The following SV2B variants were observed in gnomAD, a reference collection of about 807,000 sequenced individuals.
SV2B encodes synaptic vesicle glycoprotein 2B, also known as solute carrier family 22 member B2.
A neutral mutation model predicts 73.9 loss-of-function variants in SV2B; 41 were observed. The observed-to-expected ratio is 0.56, with a 90% CI of 0.43 to 0.72. The LOEUF is 0.72. Among genes scored for constraint, SV2B ranks in the 30% least tolerant of loss-of-function variants. The pLI, the probability that SV2B is intolerant of heterozygous loss-of-function variation, is 0.00. For missense variants in SV2B, 764 were observed against 857.8 expected (o/e 0.89, Z 1.37); for synonymous variants, 314 against 314.2 (o/e 1.00, Z 0.01).
At chr15:91,133,435 T>C (rs770082830) in intron 1 of SV2B, among the ~76,000 whole-genome samples, 4 of 152,128 alleles carry the variant, frequency 2.6e-5, no homozygotes, top group Non-Finnish European at 4.4e-5. Flanking sequence ...TCTGCTCAAA[T>C]GCACTGGAAT....
rs973677912 is a variant in SV2B at position 91,302,244 on chromosome 15, A to G, written c.*9692A>G. Among the ~76,000 whole-genome samples, 2 of 152,146 alleles carry G rather than the reference A, an allele frequency of 1.3e-5. No homozygotes were observed. The highest frequency in any genetic ancestry group is 2.4e-5 in the African/African-American group (1 of 41,428). ...GGAGCAAGTGAAGTGTCATATGTAA[A>G]AGAGTTAATTCTCAGATTGATTCAA... On this transcript the variant is annotated 3_prime_UTR_variant, in exon 13 of 13. Coordinates refer to ENST00000394232, the MANE Select transcript of SV2B (RefSeq NM_001323032.3).
chr15:91,276,884 T>C (rs1412244813), intron 9 of SV2B, among the ~76,000 whole-genome samples: 1 of 146,696 alleles, frequency 6.8e-6, no homozygotes, highest in Non-Finnish European at 1.5e-5. Flanking sequence ...CGCAATGGCA[T>C]GATCTCAGCT....
At chr15:91,292,186 C>T (rs1225678010) in intron 12 of SV2B, among the ~76,000 whole-genome samples, 183 bp from the exon 13 acceptor site, 2 of 150,306 alleles carry the variant, frequency 1.3e-5, no homozygotes, top group Admixed American at 6.6e-5. Context: ...GTTAGATATC[C>T]ATGCATCTTT....
chr15:91,191,886 C>A (rs1040336068), intron 1 of SV2B, among the ~76,000 whole-genome samples: 1 of 152,148 alleles, frequency 6.6e-6, no homozygotes, highest in Non-Finnish European at 1.5e-5. Context: ...AAACATTTTA[C>A]ACATCTTTTA....
chr15:91,128,065 G>A lies in SV2B; in HGVS notation c.-392+27702G>A, dbSNP rs1294382997. Among the ~76,000 whole-genome samples, 1 of 152,160 alleles carries A rather than the reference G, an allele frequency of 6.6e-6. No homozygotes were observed. The highest frequency in any genetic ancestry group is 1.9e-4 in the East Asian group (1 of 5,198). On this transcript the variant is annotated intron_variant, in intron 1 of 12. Transcript: ENST00000394232. The surrounding 1 kb of genome is among the most constrained non-coding windows in gnomAD (Gnocchi z 4.2). Reference sequence around the variant, plus strand: ...AAAAGAGAAAAATATACCTGTGAAAGCTCTTATTATCATTGTCACGTTCAT... The same window carrying A: ...AAAAGAGAAAAATATACCTGTGAAAACTCTTATTATCATTGTCACGTTCAT...
Position 91,288,805 on chromosome 15 carries a change from G to A in SV2B, c.1709-716G>A, listed in dbSNP as rs1480471588. 6.6e-6 allele frequency among the ~76,000 whole-genome samples: 1 copy of A among 152,046 alleles called. No individual in the cohort carries two copies. Among genetic ancestry groups the A allele is most frequent in the Non-Finnish European group, 1.5e-5 (1 of 68,022 alleles). On this transcript the variant is annotated intron_variant, in intron 11 of 12. Transcript: ENST00000394232. This position sits in a 1 kb window ranked among gnomAD's most constrained non-coding sequence, Gnocchi z 5.8. ...TAATTCTCGTGCCTCAGCCTCCCAA[G>A]TAGCTGGGATTACAGGTGTGCACCA... is the stretch of plus-strand genomic sequence containing the variant.
intron 4 of SV2B, among the ~76,000 whole-genome samples, chr15:91,257,378 A>AAGTCT (rs2047735524): frequency 6.6e-6 from 1 of 152,210 alleles, no homozygotes; most frequent in Admixed American, 6.5e-5. Flanking sequence ...GTGACTGCAA[A>AAGTCT]AGTCTAGGCT....
chr15:91,142,183 G>A (rs189496449), intron 1 of SV2B, among the ~76,000 whole-genome samples: 35 of 152,136 alleles, frequency 2.3e-4, no homozygotes, highest in African/African-American at 3.6e-4. Context: ...TTCCTGTTGC[G>A]TGCCCACAGC....
intron 6 of SV2B, among the ~76,000 whole-genome samples, chr15:91,263,788 C>A (rs2048010522): frequency 6.6e-6 from 1 of 152,200 alleles, no homozygotes; most frequent in Non-Finnish European, 1.5e-5. Flanking sequence ...AGAGGAATTA[C>A]ATCGCAGAGT....
intron 1 of SV2B, among the ~76,000 whole-genome samples, chr15:91,164,428 G>A (rs1218410242): frequency 6.6e-6 from 1 of 152,172 alleles, no homozygotes; most frequent in Non-Finnish European, 1.5e-5. Flanking sequence ...CTACCTTTAA[G>A]CCAGAATACT....
rs1409144974 is a variant in SV2B at position 91,239,857 on chromosome 15, T to C, written c.452-11962T>C. On this transcript the variant is annotated intron_variant, in intron 2 of 12. Coordinates refer to ENST00000394232, the MANE Select transcript of SV2B (RefSeq NM_001323032.3). This position sits in a 1 kb window ranked among gnomAD's most constrained non-coding sequence, Gnocchi z 5.1. ...GGCATGTCTGCGATTCTCTTTACTT[T>C]CCATGGTGGTCACAAGATAGCCACC... Among the ~76,000 whole-genome samples the C allele has an allele frequency of 6.6e-6, 1 of 152,206 alleles. No individual in the cohort carries two copies. Among genetic ancestry groups the C allele is most frequent in the Non-Finnish European group, 1.5e-5 (1 of 68,024 alleles).
chr15:91,258,084 G>A lies in SV2B; in HGVS notation c.785-337G>A, dbSNP rs189364926. Among the ~76,000 whole-genome samples the A allele has an allele frequency of 3.9e-4, 60 of 152,308 alleles. No individual in the cohort carries two copies. The highest frequency in any genetic ancestry group is 1.3e-3 in the African/African-American group (56 of 41,560). On this transcript the variant is annotated intron_variant, in intron 4 of 12. Coordinates refer to ENST00000394232, the MANE Select transcript of SV2B (RefSeq NM_001323032.3). This position sits in a 1 kb window ranked among gnomAD's most constrained non-coding sequence, Gnocchi z 4.7. ...ATATAATGATTCTGTAGAGATACGG[G>A]CTATTGTTTCTGTTTGTACTCTTAT...
chr15:91,277,351 A>G (rs1567425671), intron 9 of SV2B, among the ~76,000 whole-genome samples: 1 of 152,204 alleles, frequency 6.6e-6, no homozygotes, highest in Non-Finnish European at 1.5e-5. Context: ...GGAATAATTT[A>G]TGTACAGTAA....
chr15:91,176,766 A>T (rs2044325008), intron 1 of SV2B, among the ~76,000 whole-genome samples: 1 of 151,136 alleles, frequency 6.6e-6, no homozygotes, highest in Non-Finnish European at 1.5e-5. Flanking sequence ...AATTTGTTTG[A>T]GTTCATTGTA....
intron 1 of SV2B, among the ~76,000 whole-genome samples, chr15:91,145,596 A>C (rs2043124475): frequency 6.6e-6 from 1 of 152,198 alleles, no homozygotes; most frequent in South Asian, 2.1e-4. Flanking sequence ...AATAATTTAC[A>C]TTCCCATCAA....
rs6496774 is a variant in SV2B, at chr15:91,227,417, A to G, written c.451+703A>G. ...GTGAAATTAGAGAGACGGTGTGCAC[A>G]AATGGTGTGATGTAGAAAAGATTCA... On this transcript the variant is annotated intron_variant, in intron 2 of 12. Coordinates refer to ENST00000394232, the MANE Select transcript of SV2B (RefSeq NM_001323032.3). The surrounding 1 kb of genome is among the most constrained non-coding windows in gnomAD (Gnocchi z 4.5). Among the ~76,000 whole-genome samples the G allele has an allele frequency of 0.29, 44,856 of 152,134 alleles. 8,658 individuals carry two copies. Among genetic ancestry groups the G allele is most frequent in the African/African-American group, 0.55 (22,766 of 41,466 alleles).
chr15:91,104,012 GAGA>G (rs950581835), intron 1 of SV2B, among the ~76,000 whole-genome samples: 6 of 152,290 alleles, frequency 3.9e-5, no homozygotes, highest in African/African-American at 1.4e-4. Flanking sequence ...AAATCACAAG[GAGA>G]AGATCTCCTG....
upstream of SV2B, chr15:91,100,256 C>G (rs12915905): frequency 0.024 from 3,697 of 152,176 alleles, 87 homozygotes; most frequent in South Asian, 0.042. This position sits in a 1 kb window ranked among gnomAD's most constrained non-coding sequence, Gnocchi z 6.4. Context: ...CGCCTGCCTC[C>G]GCCCGGATCG....
chr15:91,168,445 G>A (rs1021228832), intron 1 of SV2B, among the ~76,000 whole-genome samples: 9 of 152,166 alleles, frequency 5.9e-5, no homozygotes, highest in Non-Finnish European at 1.0e-4. Context: ...CAGCTGCTGG[G>A]GGAGTGCTGG....
Sources: allele counts gnomAD v4.1 joint callset (sites outside exome capture counted in the v4.1 genomes callset), GRCh38; gene constraint gnomAD v4.1.1; non-coding constraint Gnocchi (gnomAD v3.1); transcripts MANE v1.5; gene names NCBI Gene and HGNC (gene_info 2026-07-23, HGNC 2026-07-21).